The following GRM8 variants were observed in gnomAD, a reference collection of about 807,000 sequenced individuals.
GRM8 encodes the protein glutamate metabotropic receptor 8, also known as metabotropic glutamate receptor 8.
In GRM8, 47 loss-of-function variants were observed where a neutral mutation model predicts 87.2. The observed-to-expected ratio is 0.54, with a 90% CI of 0.43 to 0.69. GRM8 has a LOEUF of 0.69. GRM8 is among the 30% of genes least tolerant of loss of function. The pLI, the probability that GRM8 is intolerant of heterozygous loss-of-function variation, is 0.00. For missense variants in GRM8, 1,019 were observed against 1,139.2 expected (o/e 0.89, Z 1.52); for synonymous variants, 396 against 404.5 (o/e 0.98, Z 0.25).
chr7:127,187,553 A>G (rs1310115554), intron 2 of GRM8, among the ~76,000 whole-genome samples: 1 of 152,170 alleles, frequency 6.6e-6, no homozygotes, highest in Non-Finnish European at 1.5e-5. Context: ...TAATCTCCGA[A>G]GCTACCAGCT....
At chr7:126,897,034 T>C (rs916043976) in intron 6 of GRM8, among the ~76,000 whole-genome samples, 5 of 152,116 alleles carry the variant, frequency 3.3e-5, no homozygotes, top group Admixed American at 1.3e-4. Context: ...AATGAATGAA[T>C]GGATGGATGA....
Position 127,229,574 on chromosome 7 carries a change from A to G in GRM8, c.510+13121T>C, listed in dbSNP as rs1317218437. The G allele has an allele frequency of 2.6e-5, 4 of 152,226 alleles. No homozygotes were observed. In the East Asian group the frequency reaches 7.7e-4, roughly 29 times the overall value. The allele number at this position is 152,226 out of a possible 1,614,324, so 9.4% of individuals were successfully genotyped here. A position where few individuals can be genotyped will look rare whatever the true frequency, so the allele number is the denominator to read the frequency against. Reference sequence around the variant, plus strand: ...TTAAAATTCTATCCAGTGGTTTCAAAGGCAACAAAAGATCTCACATTGAGC... The same window carrying G: ...TTAAAATTCTATCCAGTGGTTTCAAGGGCAACAAAAGATCTCACATTGAGC... On this transcript the variant is annotated intron_variant, in intron 2 of 10. Coordinates refer to ENST00000339582, the MANE Select transcript of GRM8 (RefSeq NM_000845.3).
intron 7 of GRM8, among the ~76,000 whole-genome samples, chr7:126,748,649 A>C (rs1816010410): frequency 6.7e-6 from 1 of 149,714 alleles, no homozygotes; most frequent in Non-Finnish European, 1.5e-5. Flanking sequence ...CGGATTATAA[A>C]ATTCATACAT....
At chr7:126,582,024 C>T (rs1008881515) in intron 8 of GRM8, among the ~76,000 whole-genome samples, 8 of 152,010 alleles carry the variant, frequency 5.3e-5, no homozygotes, top group Non-Finnish European at 1.2e-4. Flanking sequence ...TCTAATTGTT[C>T]AAGTGAAAGA....
At chr7:126,579,919 G>T (rs779096955) in intron 8 of GRM8, among the ~76,000 whole-genome samples, 4 of 151,698 alleles carry the variant, frequency 2.6e-5, no homozygotes, top group African/African-American at 4.8e-5. Flanking sequence ...CTTAAAATGA[G>T]ATCAGATAAA....
chr7:126,907,711 A>T (rs1358304734), intron 3 of GRM8, among the ~76,000 whole-genome samples: 1 of 152,184 alleles, frequency 6.6e-6, no homozygotes, highest in Non-Finnish European at 1.5e-5. Context: ...AATATGTCTC[A>T]TGTATGAGCA....
chr7:126,820,297 C>A (rs1461122173), intron 6 of GRM8, among the ~76,000 whole-genome samples: 1 of 152,132 alleles, frequency 6.6e-6, no homozygotes, highest in Non-Finnish European at 1.5e-5. Flanking sequence ...AAAATAGTTA[C>A]AGATGATATA....
chr7:126,950,374 A>G (rs1299253627), intron 3 of GRM8, among the ~76,000 whole-genome samples: 7 of 152,242 alleles, frequency 4.6e-5, no homozygotes, highest in Non-Finnish European at 5.9e-5. Context: ...TGTTGTCAAA[A>G]GATACATACT....
intron 2 of GRM8, among the ~76,000 whole-genome samples, chr7:127,168,011 G>A (rs184120420): frequency 8.0e-4 from 122 of 152,212 alleles, no homozygotes; most frequent in African/African-American, 2.8e-3. Context: ...TGACAAATGG[G>A]ATCTAATGAA....
chr7:126,886,667 C>A (rs1357971007), intron 6 of GRM8, among the ~76,000 whole-genome samples: 3 of 152,102 alleles, frequency 2.0e-5, no homozygotes, highest in Non-Finnish European at 4.4e-5. Flanking sequence ...TACGTGTTTT[C>A]TGAAAAACAT....
At chr7:126,739,269 GA>G (rs35432191) in intron 7 of GRM8, among the ~76,000 whole-genome samples, 8,866 of 151,908 alleles carry the variant, frequency 0.058, 542 homozygotes, top group East Asian at 0.31. Flanking sequence ...TTTAATGGAA[GA>G]AAAGATATAC....
At chr7:126,485,030 T>C (rs1394903579) in intron 9 of GRM8, among the ~76,000 whole-genome samples, 2 of 152,008 alleles carry the variant, frequency 1.3e-5, no homozygotes, top group African/African-American at 2.4e-5. Flanking sequence ...CATTTTCGAG[T>C]TGGTTATCAG....
At chr7:127,103,015 A>C (rs1474241010) in intron 3 of GRM8, among the ~76,000 whole-genome samples, 3 of 152,194 alleles carry the variant, frequency 2.0e-5, no homozygotes, top group Non-Finnish European at 4.4e-5. Flanking sequence ...GGCACATGCC[A>C]CCATGCCCAG....
intron 6 of GRM8, among the ~76,000 whole-genome samples, chr7:126,896,008 G>A (rs899470175): frequency 6.8e-6 from 1 of 147,932 alleles, no homozygotes; most frequent in Admixed American, 6.8e-5. Flanking sequence ...ATAATAAATG[G>A]AGGATATAAA....
At chr7:127,096,155 T>C (rs1039169759) in intron 3 of GRM8, among the ~76,000 whole-genome samples, 3 of 152,184 alleles carry the variant, frequency 2.0e-5, no homozygotes, top group Middle Eastern at 3.2e-3. Context: ...CTGCCCTTAA[T>C]TGAGCACTTA....
At chr7:126,589,630 T>A (rs1796486306) in intron 8 of GRM8, among the ~76,000 whole-genome samples, 1 of 152,108 alleles carries the variant, frequency 6.6e-6, no homozygotes. Context: ...CGGCTCATGC[T>A]CTCTTGAAAG....
At chr7:126,794,589 G>T (rs1486029148) in intron 6 of GRM8, among the ~76,000 whole-genome samples, 4 of 151,988 alleles carry the variant, frequency 2.6e-5, no homozygotes, top group Non-Finnish European at 5.9e-5. Flanking sequence ...TACTTAACCA[G>T]TGCATTATGC....
intron 7 of GRM8, among the ~76,000 whole-genome samples, chr7:126,761,850 C>T (rs567958645): frequency 6.6e-6 from 1 of 152,212 alleles, no homozygotes; most frequent in East Asian, 1.9e-4. Flanking sequence ...TCTCGACCAC[C>T]AGAAGAAATG....
intron 2 of GRM8, among the ~76,000 whole-genome samples, chr7:127,182,637 GTGTGT>G (rs1328464173): frequency 4.8e-5 from 1 of 20,638 alleles, no homozygotes; most frequent in East Asian, 5.6e-4. Flanking sequence ...AGTGTGGTGT[GTGTGT>G]GTGTGTGTGT....
Sources: gnomAD v4.1 joint callset for allele counts (sites outside exome capture counted in the v4.1 genomes callset) on GRCh38, gnomAD v4.1.1 for gene constraint, MANE v1.5 for transcripts, NCBI Gene and HGNC (gene_info 2026-07-23, HGNC 2026-07-21) for gene names.